DPH1: variants seen among roughly 807,000 people sequenced by gnomAD.
The protein encoded by DPH1 is diphthamide biosynthesis 1, also known as 2-(3-amino-3-carboxypropyl)histidine synthase subunit 1.
In DPH1, 59 loss-of-function variants were observed where a neutral mutation model predicts 55.3. The ratio of observed to expected loss-of-function variants is 1.07; its 90% CI spans 0.87 to 1.33. The LOEUF (loss-of-function observed/expected upper bound fraction) is 1.33. Ranked by LOEUF, DPH1 falls within the 40% of genes most tolerant of loss-of-function variation. DPH1 has a pLI of 0.00. For synonymous variants in DPH1, 238 were observed against 235.5 expected (o/e 1.01, Z -0.10); for missense variants, 628 against 584.8 (o/e 1.07, Z -0.76).
intron 12 of DPH1, 119 bp from the exon 13 acceptor site, chr17:2,042,486 C>A: frequency 7.1e-7 from 1 of 1,405,504 alleles, no homozygotes; most frequent in Non-Finnish European, 9.4e-7. Context: ...TTCCCCCAGA[C>A]TTTTGCCTCG....
Position 2,040,585 on chromosome 17 carries a change from C to G in DPH1, c.987C>G (p.Ser329Arg), listed in dbSNP as rs768044127. ...LLSEIFPSKL[S>R]LLPEVDVWVQ... ...CTGAGATCTTCCCCAGCAAGCTTAG[C>G]CTACTTCCTGAGGTGGATGTGTGAG... Residue 329 changes from serine to arginine, a missense_variant, in exon 9 of 13, where the codon AGC (serine) becomes AGG (arginine). Physicochemically the swap from Ser to Arg is moderately radical, Grantham distance 110. Coordinates refer to ENST00000263083, the MANE Select transcript of DPH1 (RefSeq NM_001383.6). 1 of 1,614,194 alleles carries G rather than the reference C, an allele frequency of 6.2e-7. No homozygotes were observed. The highest frequency in any genetic ancestry group is 1.1e-5 in the South Asian group (1 of 91,084).
In DPH1 at chr17:2,041,396, A is replaced by G. The variant is rs2067520459; in HGVS notation, c.1087-85A>G. 6 of 1,541,068 alleles carry G rather than the reference A, an allele frequency of 3.9e-6. No homozygotes were observed. The Admixed American group carries it at 7.5e-5, about 19-fold the overall frequency. The stretch of plus-strand genomic sequence containing the variant: ...TGTGGCAGGGGACAGTGTGCCCTTC[A>G]CAGGCCGTCGTGAGGACTGAATTCA... On this transcript the variant is annotated intron_variant, in intron 10 of 12. Coordinates refer to ENST00000263083, the MANE Select transcript of DPH1 (RefSeq NM_001383.6).
At chr17:2,042,534 C>G in intron 12 of DPH1, 71 bp from the exon 13 acceptor site, 2 of 1,483,080 alleles carry the variant, frequency 1.3e-6, no homozygotes, top group East Asian at 2.4e-5. Flanking sequence ...ACCCTCCTGC[C>G]CTTTCTCATT....
rs2067534640 is a variant in DPH1, at chr17:2,041,877, T to C, written c.*18+2T>C. 1 of 1,573,688 alleles carries C rather than the reference T, an allele frequency of 6.4e-7. No individual in the cohort carries two copies. Among genetic ancestry groups the C allele is most frequent in the South Asian group, 1.2e-5 (1 of 86,816 alleles). ...CCTTGACGCGCTCCCGGGCCTCAGG[T>C]ATCAGCCCCCGCTCTGGGTGCGCCC... On this transcript the variant is annotated splice_donor_variant, in intron 12 of 12. Coordinates refer to ENST00000263083, the MANE Select transcript of DPH1 (RefSeq NM_001383.6). LOFTEE classifies it low-confidence loss of function (3UTR_SPLICE).
At chr17:2,034,401 CAG>C (rs998410003) in intron 3 of DPH1, among the ~76,000 whole-genome samples, 8 of 151,690 alleles carry the variant, frequency 5.3e-5, no homozygotes, top group African/African-American at 9.7e-5. Context: ...AGCACAGGAA[CAG>C]GGGAGGGGAA....
At position 2,042,904 on chromosome 17, in the gene DPH1, AT is replaced by A. The variant is rs1326911117; in HGVS notation, c.*319del. ...CCGGGGCATTGGGTTCAAGGAATCC[AT>A]CCTGCAAAGGCCCTTGTCATTGCCT... is the stretch of plus-strand genomic sequence containing the variant. On this transcript the variant is annotated 3_prime_UTR_variant, in exon 13 of 13. Transcript: ENST00000263083. 27 of 1,614,040 alleles carry A rather than the reference AT, an allele frequency of 1.7e-5. No individual in the cohort carries two copies. Among genetic ancestry groups the A allele is most frequent in the Non-Finnish European group, 2.2e-5 (26 of 1,180,046 alleles).
chr17:2,041,425 A>T, intron 10 of DPH1, 56 bp from the exon 11 acceptor site: 1 of 1,563,684 alleles, frequency 6.4e-7, no homozygotes. Context: ...GAATTCAGTA[A>T]TCCAGGGGCA....
chr17:2,030,143 T>G (rs762400906), upstream of DPH1: 1 of 1,596,160 alleles, frequency 6.3e-7, no homozygotes, highest in Non-Finnish European at 8.5e-7. Flanking sequence ...AGCGCTGTCT[T>G]TTTAGTACCA....
rs1437443266 is a variant in DPH1, at chr17:2,042,840, C to T, written c.*254C>T. 6.8e-6 allele frequency: 11 copies of T among 1,614,060 alleles called. No individual in the cohort carries two copies. In the East Asian group the frequency reaches 1.1e-4, roughly 16 times the overall value. ...GCCAGGCAGGCGATCCCCGCTTCCCCTTGCCACGGTTTATCCTCTTGGTGT... is the reference window on the plus strand; with the variant it reads ...GCCAGGCAGGCGATCCCCGCTTCCCTTTGCCACGGTTTATCCTCTTGGTGT... On this transcript the variant is annotated 3_prime_UTR_variant, in exon 13 of 13. Transcript: ENST00000263083.
intron 6 of DPH1, chr17:2,039,446 C>T (rs1447403589): frequency 1.8e-5 from 5 of 274,976 alleles, no homozygotes; most frequent in Non-Finnish European, 3.6e-5. Flanking sequence ...GGCGCGATCT[C>T]AGCTCACTGC....
chr17:2,043,424 G>T lies in DPH1; in HGVS notation c.*838G>T. 1 of 284,284 alleles carries T rather than the reference G, an allele frequency of 3.5e-6. No individual in the cohort carries two copies. The highest frequency in any genetic ancestry group is 2.2e-5 in the African/African-American group (1 of 45,962). The allele number at this position is 284,284 out of a possible 1,614,324, so 17.6% of individuals were successfully genotyped here. A position where few individuals can be genotyped will look rare whatever the true frequency, so the allele number is the denominator to read the frequency against. On this transcript the variant is annotated 3_prime_UTR_variant, in exon 13 of 13. Transcript: ENST00000263083. ...TGCCACATAATAAAGTGGTGATTTG[G>T]ATTTTGAGCATCTTTTTCCTGGTAC...
chr17:2,043,177 G>A lies in DPH1; in HGVS notation c.*591G>A. 2 of 1,521,352 alleles carry A rather than the reference G, an allele frequency of 1.3e-6. No individual in the cohort carries two copies. Among genetic ancestry groups the A allele is most frequent in the East Asian group, 2.3e-5 (1 of 44,288 alleles). 94.2% of individuals were successfully genotyped at this position (1,521,352 alleles called of 1,614,324 possible). On this transcript the variant is annotated 3_prime_UTR_variant, in exon 13 of 13. Transcript: ENST00000263083. The stretch of plus-strand genomic sequence containing the variant: ...GCCTCCGTCATCCATGCCCTCCCAG[G>A]ACCCTCCACTCACTGCTGTGAGTGC...
Position 2,040,333 on chromosome 17 carries a change from C to T in DPH1, c.865C>T (p.Leu289=). ...CTCAGCTAAGTCCTGGGGCCTTATTCTGGGCACTTTGGGCCGCCAGGGCAG... is the reference window on the plus strand; with the variant it reads ...CTCAGCTAAGTCCTGGGGCCTTATTTTGGGCACTTTGGGCCGCCAGGGCAG... ...ARSAKSWGLI[L]GTLGRQGSPK... is the part of the protein sequence containing the mutation. The change falls in exon 8 of 13, where the codon CTG becomes TTG. Residue 289 remains leucine (L), a synonymous_variant. Transcript: ENST00000263083. 3.7e-6 allele frequency: 6 copies of T among 1,614,040 alleles called. No individual in the cohort carries two copies. Among genetic ancestry groups the T allele is most frequent in the Middle Eastern group, 1.6e-4 (1 of 6,062 alleles).
intron 1 of DPH1, among the ~76,000 whole-genome samples, chr17:2,030,786 C>T (rs1197304047): frequency 1.3e-5 from 2 of 152,182 alleles, no homozygotes; most frequent in African/African-American, 4.8e-5. Flanking sequence ...CCTTACACGC[C>T]AGCGACCACT....
Position 2,036,472 on chromosome 17 carries a change from C to T in DPH1, c.401-57C>T, listed in dbSNP as rs747016560. 2.4e-4 allele frequency: 384 copies of T among 1,598,368 alleles called. No homozygotes were observed. Among genetic ancestry groups the T allele is most frequent in the Non-Finnish European group, 3.1e-4 (359 of 1,170,078 alleles). ...GGCTGCTCAGAGACCTGAGCCTGGC[C>T]GGGCCCTCTGCTGCTCCTGCCTTCC... On this transcript the variant is annotated intron_variant, in intron 4 of 12. Coordinates refer to ENST00000263083, the MANE Select transcript of DPH1 (RefSeq NM_001383.6). The surrounding 1 kb of genome is among the most constrained non-coding windows in gnomAD (Gnocchi z 4.8).
chr17:2,042,324 C>T (rs2067552962), intron 12 of DPH1: 6 of 1,383,386 alleles, frequency 4.3e-6, no homozygotes, highest in Non-Finnish European at 5.6e-6. Flanking sequence ...CCTGCGTCCA[C>T]CCGCATTCCT....
intron 1 of DPH1, among the ~76,000 whole-genome samples, chr17:2,032,931 C>T (rs1214261440): frequency 6.6e-6 from 1 of 152,046 alleles, no homozygotes; most frequent in African/African-American, 2.4e-5. Flanking sequence ...GTAGTATTTC[C>T]CCGTGTTAGC....
At position 2,036,849 on chromosome 17, in the gene DPH1, G is replaced by A. The variant is rs753005140; in HGVS notation, c.573G>A (p.Glu191=). 1.2e-6 allele frequency: 2 copies of A among 1,613,600 alleles called. No homozygotes were observed. The highest frequency in any genetic ancestry group is 2.2e-5 in the South Asian group (2 of 91,058). ...FVSTLQAAAQ[E]LKAEYRVSVP... The stretch of plus-strand genomic sequence containing the variant: ...CATTCCTACAGGCAGCCGCCCAGGA[G>A]CTGAAAGCCGAGTATCGTGTGAGTG... The change falls in exon 6 of 13, where the codon GAG becomes GAA. Residue 191 remains glutamate, a synonymous_variant. Transcript: ENST00000263083. This position sits in a 1 kb window ranked among gnomAD's most constrained non-coding sequence, Gnocchi z 4.8.
chr17:2,040,996 A>G (rs1221039654), intron 9 of DPH1, 107 bp from the exon 10 acceptor site: 8 of 1,079,916 alleles, frequency 7.4e-6, no homozygotes, highest in Middle Eastern at 2.7e-4. Context: ...AGGATTCATA[A>G]AGCCTGTTAA....
Sources: allele counts gnomAD v4.1 joint callset (sites outside exome capture counted in the v4.1 genomes callset), GRCh38; gene constraint gnomAD v4.1.1; non-coding constraint Gnocchi (gnomAD v3.1); transcripts MANE v1.5; gene names NCBI Gene and HGNC (gene_info 2026-07-23, HGNC 2026-07-21).